The following PBDC1 variants were observed in gnomAD, a reference collection of about 807,000 sequenced individuals.
PBDC1 encodes protein PBDC1.
A neutral mutation model predicts 12.0 loss-of-function variants in PBDC1; 3 were observed. That is an observed-to-expected ratio of 0.25 (90% CI 0.11 to 0.64). The LOEUF (loss-of-function observed/expected upper bound fraction) is 0.64. Among genes scored for constraint, PBDC1 ranks in the 30% least tolerant of loss-of-function variants. PBDC1 has a pLI of 0.84. For missense variants in PBDC1, 162 were observed against 168.1 expected, an observed-to-expected ratio of 0.96 and a Z score of 0.20; for synonymous variants, 64 against 56.4, an observed-to-expected ratio of 1.13 and a Z score of -0.60.
Position 76,178,204 on chromosome X carries a change from A to G in PBDC1, c.*296A>G, listed in dbSNP as rs782092079. ...AAATTTCTTTTGGTTCTTATTATCTATATCTGTGACTGACTTTAAAAAGGT... is the reference window on the plus strand; with the variant it reads ...AAATTTCTTTTGGTTCTTATTATCTGTATCTGTGACTGACTTTAAAAAGGT... On this transcript the variant is annotated 3_prime_UTR_variant, in exon 6 of 6. Transcript: ENST00000373358. The G allele has an allele frequency of 8.8e-5, 30 of 339,741 alleles. No homozygotes were observed. The highest frequency in any genetic ancestry group is 6.9e-4 in the African/African-American group (26 of 37,485). The allele number at this position is 339,741 out of a possible 1,213,427, so 28.0% of individuals were successfully genotyped here.
chrX:76,173,642 G>A lies in PBDC1; in HGVS notation c.88G>A (p.Gly30Ser). The change falls in exon 2 of 6, where the codon GGC becomes AGC. Residue 30 changes from glycine to serine, a missense_variant. Physicochemically the swap from Gly to Ser is moderately conservative, Grantham distance 56. Coordinates refer to ENST00000373358, the MANE Select transcript of PBDC1 (RefSeq NM_016500.5). Reference sequence around the variant, plus strand: ...GCTTTCTCTCCCAGCAGAGTCGTATGGCAACGATGTGAGTATGACTCACCC... The same window carrying A: ...GCTTTCTCTCCCAGCAGAGTCGTATAGCAACGATGTGAGTATGACTCACCC... ...HALSLPAESY[G>S]NDPDIEMAWA... The A allele has an allele frequency of 8.4e-7, 1 of 1,185,593 alleles. No individual in the cohort carries two copies. The highest frequency in any genetic ancestry group is 1.1e-6 in the Non-Finnish European group (1 of 881,025).
Position 76,177,942 on chromosome X carries a change from C to T in PBDC1, c.*34C>T. The stretch of plus-strand genomic sequence containing the variant: ...GGGAACAGCACTCTAGAAGCTATGA[C>T]TCAATTGAGACTACAAGTACCACGG... On this transcript the variant is annotated 3_prime_UTR_variant, in exon 6 of 6. Transcript: ENST00000373358. 8.3e-7 allele frequency: 1 copy of T among 1,201,438 alleles called. No individual in the cohort carries two copies. Among genetic ancestry groups the T allele is most frequent in the Non-Finnish European group, 1.1e-6 (1 of 890,786 alleles).
intron 2 of PBDC1, among the ~76,000 whole-genome samples, chrX:76,174,132 A>C (rs1924729897): frequency 2.7e-5 from 3 of 112,211 alleles, no homozygotes; most frequent in Admixed American, 9.4e-5. Context: ...GTCAGGCCAT[A>C]AGATCCAAAT....
intron 4 of PBDC1, among the ~76,000 whole-genome samples, chrX:76,176,398 G>A (rs1337500596): frequency 2.7e-5 from 3 of 111,022 alleles, no homozygotes; most frequent in African/African-American, 6.6e-5. Flanking sequence ...CAAGCGATCC[G>A]CCCGCCTCGG....
In PBDC1 at chrX:76,173,063, C is replaced by T. The variant is rs1924694086; in HGVS notation, c.-76C>T. 1.3e-5 allele frequency: 14 copies of T among 1,068,175 alleles called. No individual in the cohort carries two copies. Among genetic ancestry groups the T allele is most frequent in the Non-Finnish European group, 1.8e-5 (14 of 784,874 alleles). The allele number at this position is 1,068,175 out of a possible 1,213,427, so 88.0% of individuals were successfully genotyped here. ...GGAGGGAGAGCGCACGGTGGAGCCG[C>T]CAGTTGAGAAGGACTCTGATCCGGC... is the stretch of plus-strand genomic sequence containing the variant. On this transcript the variant is annotated 5_prime_UTR_variant, in exon 1 of 6. Transcript: ENST00000373358.
rs894994978 is a variant in PBDC1 at position 76,177,842 on chromosome X, C to G, written c.636C>G (p.Asp212Glu). 6 of 1,205,575 alleles carry G rather than the reference C, an allele frequency of 5.0e-6. No homozygotes were observed. In the African/African-American group the frequency reaches 8.8e-5, roughly 18 times the overall value. The change falls in exon 6 of 6, where the codon GAC becomes GAG. Residue 212 changes from aspartate to glutamate, a missense_variant. This residue lies in a region of PBDC1 where 100 missense variants were observed against 96.2 expected (regional missense o/e 1.04). Coordinates refer to ENST00000373358, the MANE Select transcript of PBDC1 (RefSeq NM_016500.5). ...EEGINREDKT[D>E]KGGEKGKEAD... ...GAATCAACAGAGAAGACAAAACTGA[C>G]AAAGGAGGAGAAAAAGGGAAAGAAG...
At chrX:76,173,558 C>T in intron 1 of PBDC1, 27 bp from the exon 2 acceptor site, 1 of 1,157,438 alleles carries the variant, frequency 8.6e-7, no homozygotes, top group African/African-American at 1.8e-5. Context: ...TTGGGGGGAG[C>T]CTTGAACTCT....
At position 76,175,469 on chromosome X, in the gene PBDC1, G is replaced by A. The variant is rs781910545; in HGVS notation, c.157-4G>A. ...CATCTGTATGTTGTCTTACTGTTTC[G>A]CAGCTGATTTCATCAGTTGACCCAC... On this transcript the variant is annotated splice_polypyrimidine_tract_variant and splice_region_variant and intron_variant, in intron 3 of 5. Transcript: ENST00000373358. 19 of 1,205,935 alleles carry A rather than the reference G, an allele frequency of 1.6e-5. No homozygotes were observed. The highest frequency in any genetic ancestry group is 3.0e-5 in the East Asian group (1 of 33,770).
intron 5 of PBDC1, among the ~76,000 whole-genome samples, chrX:76,177,332 T>C (rs3764753): frequency 0.036 from 4,004 of 110,837 alleles, 107 homozygotes; most frequent in African/African-American, 0.094. Flanking sequence ...GAGGATCACT[T>C]GAGCTGAGGA....
chrX:76,176,602 A>G (rs1009502616), intron 4 of PBDC1, among the ~76,000 whole-genome samples: 3 of 112,225 alleles, frequency 2.7e-5, no homozygotes, highest in Non-Finnish European at 5.6e-5. Context: ...AATAACTTCA[A>G]AACAAAACAA....
chrX:76,177,608 C>T lies in PBDC1; in HGVS notation c.410-8C>T. ...GTAGGATGATAATCAATTCTGTTCA[C>T]TTTTCAGCCCCCAGGATACAATTCT... On this transcript the variant is annotated splice_region_variant and splice_polypyrimidine_tract_variant and intron_variant, in intron 5 of 5. Coordinates refer to ENST00000373358, the MANE Select transcript of PBDC1 (RefSeq NM_016500.5). 1 of 1,164,721 alleles carries T rather than the reference C, an allele frequency of 8.6e-7. No homozygotes were observed. The highest frequency in any genetic ancestry group is 2.0e-5 in the South Asian group (1 of 49,191).
chrX:76,174,534 C>T (rs1458513467), intron 2 of PBDC1, among the ~76,000 whole-genome samples: 1 of 111,772 alleles, frequency 8.9e-6, no homozygotes, highest in Non-Finnish European at 1.9e-5. Context: ...CTTTGTTCTC[C>T]CAACAACTCA....
chrX:76,174,797 G>T, intron 2 of PBDC1, 93 bp from the exon 3 acceptor site: 1 of 677,517 alleles, frequency 1.5e-6, no homozygotes, highest in South Asian at 2.4e-5. Flanking sequence ...TAGCCCTCTT[G>T]AGCATTAACT....
intron 3 of PBDC1, 67 bp downstream of exon 3, chrX:76,175,016 A>G: frequency 1.2e-6 from 1 of 803,159 alleles, no homozygotes; most frequent in South Asian, 2.2e-5. Context: ...TGCTCTGCTT[A>G]TCACTATTCT....
At position 76,177,051 on chromosome X, in the gene PBDC1, C is replaced by T; in HGVS notation, c.409+59C>T. The T allele has an allele frequency of 1.0e-5, 8 of 770,129 alleles. No individual in the cohort carries two copies. The South Asian group carries it at 1.8e-4, about 17-fold the overall frequency. The allele number at this position is 770,129 out of a possible 1,213,427, so 63.5% of individuals were successfully genotyped here. A position where few individuals can be genotyped will look rare whatever the true frequency, so the allele number is the denominator to read the frequency against. The stretch of plus-strand genomic sequence containing the variant: ...AAGGAGACTGAACAGTCTGGCTTTA[C>T]TGATGAATCAGTGATGTGTATAGTT... On this transcript the variant is annotated intron_variant, in intron 5 of 5. Transcript: ENST00000373358.
chrX:76,175,674 G>A lies in PBDC1; in HGVS notation c.297+61G>A, dbSNP rs1360663720. ...TAACCAACAATTTTTGATTGCGAAT[G>A]TTTTTTTACATTTAAGCTCTTTTTT... On this transcript the variant is annotated intron_variant, in intron 4 of 5. Transcript: ENST00000373358. 1.2e-5 allele frequency: 11 copies of A among 916,795 alleles called. No individual in the cohort carries two copies. In the African/African-American group the frequency reaches 2.2e-4, roughly 19 times the overall value. The allele number at this position is 916,795 out of a possible 1,213,427, so 75.6% of individuals were successfully genotyped here. A position where few individuals can be genotyped will look rare whatever the true frequency, so the allele number is the denominator to read the frequency against.
At chrX:76,176,194 C>T (rs1192382995) in intron 4 of PBDC1, among the ~76,000 whole-genome samples, 4 of 106,280 alleles carry the variant, frequency 3.8e-5, no homozygotes, top group Non-Finnish European at 7.7e-5. Flanking sequence ...CACTCTGTTG[C>T]CCAGGCTGGA....
intron 4 of PBDC1, 90 bp from the exon 5 acceptor site, chrX:76,176,791 T>G (rs1954402087): frequency 1.8e-6 from 1 of 569,286 alleles, no homozygotes; most frequent in African/African-American, 2.3e-5. Flanking sequence ...ATGATTATTT[T>G]CCTTACTGGG....
At chrX:76,176,175 A>G (rs1556796923) in intron 4 of PBDC1, among the ~76,000 whole-genome samples, 1 of 98,261 alleles carries the variant, frequency 1.0e-5, no homozygotes, top group Non-Finnish European at 2.0e-5. Context: ...TTTTTTTGAT[A>G]CAGGGTCTCA....
Sources: allele counts gnomAD v4.1 joint callset (sites outside exome capture counted in the v4.1 genomes callset), GRCh38; gene constraint gnomAD v4.1.1; regional missense constraint gnomAD v4.1.1; transcripts MANE v1.5; gene names NCBI Gene and HGNC (gene_info 2026-07-23, HGNC 2026-07-21).